The following SMAD6 variants were observed in gnomAD, a reference collection of about 807,000 sequenced individuals.
The protein encoded by SMAD6 is MAD homolog 6.
SMAD6 carries 103 observed loss-of-function variants against 39.4 expected under a neutral mutation model. The ratio of observed to expected loss-of-function variants is 2.62; its 90% confidence interval spans 2.23 to 3.08. The LOEUF is 3.08. SMAD6 is among the 30% of genes most tolerant of loss of function. SMAD6 has a pLI of 0.00. For missense variants in SMAD6, 1,104 were observed against 742.9 expected (o/e 1.49, Z -5.65); for synonymous variants, 445 against 353.3 (o/e 1.26, Z -2.91).
chr15:66,733,811 G>A (rs1893669701), intron 3 of SMAD6, among the ~76,000 whole-genome samples: 1 of 152,216 alleles, frequency 6.6e-6, no homozygotes, highest in Non-Finnish European at 1.5e-5. Flanking sequence ...GGAAGGCAAT[G>A]GAGAAAACTG....
At chr15:66,761,162 C>T (rs1034717890) in intron 3 of SMAD6, among the ~76,000 whole-genome samples, 1 of 152,164 alleles carries the variant, frequency 6.6e-6, no homozygotes. Flanking sequence ...GCCGGGAAAA[C>T]CCCTCTCTGG....
chr15:66,726,128 C>T (rs1231652087), intron 3 of SMAD6, among the ~76,000 whole-genome samples: 1 of 152,178 alleles, frequency 6.6e-6, no homozygotes, highest in East Asian at 1.9e-4. Context: ...CAGGCCCCTT[C>T]TCTGCACCTG....
intron 3 of SMAD6, among the ~76,000 whole-genome samples, chr15:66,776,283 C>T (rs1894467084): frequency 6.6e-6 from 1 of 152,210 alleles, no homozygotes; most frequent in Non-Finnish European, 1.5e-5. Context: ...ACTAAAGATC[C>T]CTGGCCTCTG....
rs1271900596 is a variant in SMAD6 at position 66,781,114 on chromosome 15, T to G, written c.1070T>G (p.Phe357Cys). 1 of 1,609,054 alleles carries G rather than the reference T, an allele frequency of 6.2e-7. No homozygotes were observed. Among genetic ancestry groups the G allele is most frequent in the Admixed American group, 1.7e-5 (1 of 59,980 alleles). Residue 357 changes from phenylalanine (F) to cysteine (C), a missense_variant, in exon 4 of 4, where the codon TTC becomes TGC. Phe to Cys is a radical substitution (Grantham distance 205). Coordinates refer to ENST00000288840, the MANE Select transcript of SMAD6 (RefSeq NM_005585.5). ...GTGTACGACCAGGCCGTCAGCATCT[T>G]CTACGACCTACCTCAGGGCAGCGGC... The part of the protein sequence containing the change: ...YAVYDQAVSI[F>C]YDLPQGSGFC...
At chr15:66,765,503 G>A (rs1009629013) in intron 3 of SMAD6, among the ~76,000 whole-genome samples, 6 of 152,210 alleles carry the variant, frequency 3.9e-5, no homozygotes, top group Admixed American at 1.3e-4. Context: ...CATTACAGGC[G>A]TGAGCCACCA....
chr15:66,715,356 G>T (rs1380092056), intron 2 of SMAD6, among the ~76,000 whole-genome samples: 1 of 151,708 alleles, frequency 6.6e-6, no homozygotes, highest in Non-Finnish European at 1.5e-5. Flanking sequence ...TGTGGTAAAA[G>T]GATAAAAAGT....
intron 3 of SMAD6, among the ~76,000 whole-genome samples, chr15:66,749,547 G>T (rs946989611): frequency 1.3e-5 from 2 of 152,158 alleles, no homozygotes. Flanking sequence ...AGCCCGGAAG[G>T]TTGGAGGCTG....
At chr15:66,761,445 A>C (rs1345203319) in intron 3 of SMAD6, among the ~76,000 whole-genome samples, 1 of 152,228 alleles carries the variant, frequency 6.6e-6, no homozygotes, top group Non-Finnish European at 1.5e-5. Flanking sequence ...GTCACTTTGC[A>C]GGCACAGGCA....
chr15:66,712,572 T>G (rs1337339013), intron 2 of SMAD6, among the ~76,000 whole-genome samples: 1 of 151,942 alleles, frequency 6.6e-6, no homozygotes, highest in African/African-American at 2.4e-5. Flanking sequence ...GTAGCTATAA[T>G]TCCAGCTACT....
Position 66,702,854 on chromosome 15 carries a change from T to G in SMAD6, c.-405T>G. 1 of 171,360 alleles carries G rather than the reference T, an allele frequency of 5.8e-6. No homozygotes were observed. Among genetic ancestry groups the G allele is most frequent in the Non-Finnish European group, 1.2e-5 (1 of 81,278 alleles). The allele number at this position is 171,360 out of a possible 1,614,324, so 10.6% of individuals were successfully genotyped here. Reference sequence around the variant, plus strand: ...TAAAGGCAGGGCTTTCCAGACACATTTAGGGGTTCGCGCGAGCGCTTTGTG... The same window carrying G: ...TAAAGGCAGGGCTTTCCAGACACATGTAGGGGTTCGCGCGAGCGCTTTGTG... On this transcript the variant is annotated 5_prime_UTR_variant, in exon 1 of 4. The change creates a new upstream start codon in the 5' untranslated region. Coordinates refer to ENST00000288840, the MANE Select transcript of SMAD6 (RefSeq NM_005585.5).
In SMAD6 at chr15:66,703,727, C is replaced by G. The variant is rs1239750015; in HGVS notation, c.469C>G (p.Arg157Gly). 2 of 1,357,050 alleles carry G rather than the reference C, an allele frequency of 1.5e-6. No individual in the cohort carries two copies. Among genetic ancestry groups the G allele is most frequent in the East Asian group, 6.8e-5 (2 of 29,362 alleles). The allele number at this position is 1,357,050 out of a possible 1,614,324, so 84.1% of individuals were successfully genotyped here. ...GAALEPAGGG[R>G]SREARSRLLL... ...GGCCCTGGAGCCGGCGGGCGGCGGG[C>G]GGAGTCGCGAAGCGCGCTCGCGGCT... Residue 157 changes from arginine (R) to glycine (G), a missense_variant, in exon 1 of 4, where the codon CGG becomes GGG. Arg to Gly is a moderately radical substitution (Grantham distance 125, BLOSUM62 -2). Transcript: ENST00000288840.
intron 3 of SMAD6, among the ~76,000 whole-genome samples, chr15:66,732,180 A>G (rs184870343): frequency 2.7e-3 from 406 of 152,166 alleles, no homozygotes; most frequent in Non-Finnish European, 5.1e-3. Context: ...CTTGGTTTCA[A>G]GCGATCTGCC....
At position 66,702,893 on chromosome 15, in the gene SMAD6, C is replaced by G. The variant is rs1019028211; in HGVS notation, c.-366C>G. ...GAGCGCTTTGTGCTCATGGACCAGC[C>G]GCACAACTTTTGAAGGCTCGCCGGC... On this transcript the variant is annotated 5_prime_UTR_variant, in exon 1 of 4. Coordinates refer to ENST00000288840, the MANE Select transcript of SMAD6 (RefSeq NM_005585.5). 4.5e-5 allele frequency: 9 copies of G among 198,774 alleles called. No individual in the cohort carries two copies. In the East Asian group the frequency reaches 8.6e-4, roughly 19 times the overall value. 12.3% of individuals were successfully genotyped at this position (198,774 alleles called of 1,614,324 possible). A position where few individuals can be genotyped will look rare whatever the true frequency, so the allele number is the denominator to read the frequency against.
intron 3 of SMAD6, among the ~76,000 whole-genome samples, chr15:66,749,654 G>A (rs994370790): frequency 1.3e-5 from 2 of 152,132 alleles, no homozygotes; most frequent in Non-Finnish European, 2.9e-5. Flanking sequence ...GCTCCAGAGG[G>A]CCCTTGCAGG....
intron 3 of SMAD6, among the ~76,000 whole-genome samples, chr15:66,744,585 A>G (rs979265524): frequency 1.3e-5 from 2 of 152,268 alleles, no homozygotes; most frequent in African/African-American, 4.8e-5. Context: ...TGTTACCCAC[A>G]GAAGCTGATT....
At chr15:66,711,534 A>T in intron 1 of SMAD6, 134 bp from the exon 2 acceptor site, 1 of 736,904 alleles carries the variant, frequency 1.4e-6, no homozygotes, top group Non-Finnish European at 2.5e-6. Context: ...TTTGGGCAGC[A>T]GAGGAGGTGG....
At chr15:66,776,492 CAGT>C (rs1260288685) in intron 3 of SMAD6, among the ~76,000 whole-genome samples, 2 of 152,216 alleles carry the variant, frequency 1.3e-5, no homozygotes, top group Non-Finnish European at 2.9e-5. Flanking sequence ...CATATCCAGT[CAGT>C]GGTGGCAGCC....
chr15:66,743,823 T>C (rs865835224), intron 3 of SMAD6, among the ~76,000 whole-genome samples: 1 of 152,234 alleles, frequency 6.6e-6, no homozygotes, highest in Non-Finnish European at 1.5e-5. Flanking sequence ...TCTTTTCTCT[T>C]AGCAATACTG....
Position 66,716,425 on chromosome 15 carries a change from GTCCGAT to G in SMAD6, c.883_888del (p.Asp295_Ser296del). The G allele has an allele frequency of 6.2e-7, 1 of 1,612,342 alleles. No homozygotes were observed. The highest frequency in any genetic ancestry group is 1.3e-5 in the African/African-American group (1 of 75,012). Reference sequence around the variant, plus strand: ...TCTTTTTCTTTCCTCCCACAGATCTGTCCGATTCCACATTGTCTTACACTGAAACGG... The same window carrying G: ...TCTTTTTCTTTCCTCCCACAGATCTGTCCACATTGTCTTACACTGAAACGG... On this transcript the variant is annotated inframe_deletion, in exon 3 of 4. Coordinates refer to ENST00000288840, the MANE Select transcript of SMAD6 (RefSeq NM_005585.5).
Sources: gnomAD v4.1 joint callset for allele counts (sites outside exome capture counted in the v4.1 genomes callset) on GRCh38, gnomAD v4.1.1 for gene constraint, MANE v1.5 for transcripts, NCBI Gene and HGNC (gene_info 2026-07-23, HGNC 2026-07-21) for gene names.